Variants in MBNL2 observed in about 807,000 individuals in gnomAD.
MBNL2 encodes muscleblind-like protein 2.
MBNL2 carries 17 observed loss-of-function variants against 41.9 expected under a neutral mutation model. The observed-to-expected ratio is 0.41, with a 90% CI of 0.28 to 0.61. The LOEUF is 0.61. Ranked by LOEUF, MBNL2 falls within the 20% of genes least tolerant of loss-of-function variation. The probability of loss-of-function intolerance (pLI) is 0.35; values close to 1 mark genes in which losing one functional copy is unlikely to be tolerated. For missense variants in MBNL2, 336 were observed against 505.6 expected, an observed-to-expected ratio of 0.66 and a Z score of 3.22; for synonymous variants, 195 against 182.9, an observed-to-expected ratio of 1.07 and a Z score of -0.53.
At chr13:97,254,418 T>G (rs1193946118) in intron 1 of MBNL2, among the ~76,000 whole-genome samples, 1 of 152,356 alleles carries the variant, frequency 6.6e-6, no homozygotes, top group East Asian at 1.9e-4. Context: ...GATTGAAAAG[T>G]ATTTATCAAT....
At chr13:97,262,291 A>G (rs1317688774) in intron 1 of MBNL2, among the ~76,000 whole-genome samples, 1 of 152,202 alleles carries the variant, frequency 6.6e-6, no homozygotes, top group Non-Finnish European at 1.5e-5. Flanking sequence ...CCCCCTTGAA[A>G]GCCAGCAGGG....
chr13:97,279,177 A>T (rs924641378), intron 2 of MBNL2, among the ~76,000 whole-genome samples: 3 of 152,248 alleles, frequency 2.0e-5, no homozygotes, highest in African/African-American at 7.2e-5. Flanking sequence ...AATGTTGCTC[A>T]GTGTGCAACA....
chr13:97,359,865 G>A (rs1168190271), intron 7 of MBNL2, among the ~76,000 whole-genome samples: 1 of 152,142 alleles, frequency 6.6e-6, no homozygotes, highest in Admixed American at 6.5e-5. Flanking sequence ...TCTCTTAAAT[G>A]AGGAAAGAGA....
chr13:97,216,171 T>C, the MBNL2 span, among the ~76,000 whole-genome samples: 1 of 152,042 alleles, frequency 6.6e-6, no homozygotes, highest in Admixed American at 6.5e-5. Flanking sequence ...TTTCTGAAAA[T>C]TATAAAACCA....
chr13:97,195,636 A>G, the MBNL2 span, among the ~76,000 whole-genome samples: 5 of 152,348 alleles, frequency 3.3e-5, no homozygotes, highest in Admixed American at 2.0e-4. Context: ...GTGAATTAAC[A>G]TGATCTAAGC....
chr13:97,239,851 C>A (rs1359402157), intron 1 of MBNL2, among the ~76,000 whole-genome samples: 1 of 152,270 alleles, frequency 6.6e-6, no homozygotes. Context: ...CCCTTGAGGG[C>A]CACTCGAAAA....
At chr13:97,251,310 A>C (rs1033193419) in intron 1 of MBNL2, among the ~76,000 whole-genome samples, 1 of 151,926 alleles carries the variant, frequency 6.6e-6, no homozygotes, top group African/African-American at 2.4e-5. Context: ...ATGGCTACCC[A>C]ATTTACCCTG....
At chr13:97,218,626 T>C (rs9513220), upstream of MBNL2, among the ~76,000 whole-genome samples, 24,994 of 151,870 alleles carry the variant, frequency 0.16, 2,682 homozygotes, top group African/African-American at 0.31. Flanking sequence ...TACTTGTTCT[T>C]TAGTTTCTCA....
chr13:97,247,228 A>C (rs551170985), intron 1 of MBNL2, among the ~76,000 whole-genome samples: 1 of 152,310 alleles, frequency 6.6e-6, no homozygotes, highest in South Asian at 2.1e-4. Flanking sequence ...TTTCTTTACA[A>C]AGTTGATTGA....
At chr13:97,313,124 C>T (rs1467104467) in intron 2 of MBNL2, among the ~76,000 whole-genome samples, 1 of 152,098 alleles carries the variant, frequency 6.6e-6, no homozygotes, top group Non-Finnish European at 1.5e-5. Flanking sequence ...GAAGTCAATT[C>T]CTCTAGACCT....
chr13:97,234,281 A>T (rs941822598), intron 1 of MBNL2, among the ~76,000 whole-genome samples: 1 of 152,160 alleles, frequency 6.6e-6, no homozygotes, highest in Non-Finnish European at 1.5e-5. Context: ...GAGCCCCTTC[A>T]CGTACTTGAA....
intron 2 of MBNL2, among the ~76,000 whole-genome samples, chr13:97,301,233 A>G (rs2057587781): frequency 6.6e-6 from 1 of 152,226 alleles, no homozygotes; most frequent in Non-Finnish European, 1.5e-5. Flanking sequence ...CAGGCTGTGC[A>G]CTGTGCCAGG....
At chr13:97,270,184 G>A (rs2050667934) in intron 1 of MBNL2, among the ~76,000 whole-genome samples, 1 of 152,182 alleles carries the variant, frequency 6.6e-6, no homozygotes, top group South Asian at 2.1e-4. Flanking sequence ...AAAAGCCCTT[G>A]AGACAGCACC....
At chr13:97,375,631 T>C (rs533551749) in intron 8 of MBNL2, among the ~76,000 whole-genome samples, 10 of 152,346 alleles carry the variant, frequency 6.6e-5, no homozygotes, top group African/African-American at 2.2e-4. Flanking sequence ...TCTGTTTCCC[T>C]GTTTTACATG....
intron 1 of MBNL2, among the ~76,000 whole-genome samples, chr13:97,247,443 G>A (rs543851732): frequency 1.1e-4 from 16 of 152,276 alleles, no homozygotes; most frequent in African/African-American, 3.6e-4. Context: ...GAAGAGATAT[G>A]CTGTAAGTTC....
At chr13:97,264,074 A>C (rs1488934876) in intron 1 of MBNL2, among the ~76,000 whole-genome samples, 1 of 148,674 alleles carries the variant, frequency 6.7e-6, no homozygotes. Context: ...GCACTGATGC[A>C]ATCTCGACTC....
chr13:97,390,193 G>A (rs557157456), intron 8 of MBNL2, among the ~76,000 whole-genome samples: 2 of 152,082 alleles, frequency 1.3e-5, no homozygotes, highest in South Asian at 4.2e-4. Context: ...ACATCTGTCT[G>A]TTTCAATAAA....
chr13:97,155,779 C>T, the MBNL2 span, among the ~76,000 whole-genome samples: 1 of 152,064 alleles, frequency 6.6e-6, no homozygotes, highest in African/African-American at 2.4e-5. Flanking sequence ...GCCACATTTT[C>T]TTAATCCAGT....
At chr13:97,247,231 T>C (rs1013980122) in intron 1 of MBNL2, among the ~76,000 whole-genome samples, 1 of 152,186 alleles carries the variant, frequency 6.6e-6, no homozygotes, top group Non-Finnish European at 1.5e-5. Flanking sequence ...CTTTACAAAG[T>C]TGATTGATTA....
Sources: gnomAD v4.1 joint callset for allele counts (sites outside exome capture counted in the v4.1 genomes callset) on GRCh38, gnomAD v4.1.1 for gene constraint, MANE v1.5 for transcripts, NCBI Gene and HGNC (gene_info 2026-07-23, HGNC 2026-07-21) for gene names.